Variants in BMP8B observed in about 807,000 individuals in gnomAD.
BMP8B encodes the protein bone morphogenetic protein 8 (osteogenic protein 2).
BMP8B carries 17 observed loss-of-function variants against 30.3 expected under a neutral mutation model. The ratio of observed to expected loss-of-function variants is 0.56; its 90% CI spans 0.38 to 0.84. The LOEUF is 0.84. Among genes scored for constraint, BMP8B ranks in the 40% least tolerant of loss-of-function variants. The pLI is 0.00. For missense variants in BMP8B, 253 were observed against 494.6 expected (o/e 0.51, Z 4.63); for synonymous variants, 131 against 214.7 (o/e 0.61, Z 3.41).
intron 1 of BMP8B, among the ~76,000 whole-genome samples, chr1:39,786,340 C>G (rs1650978821): frequency 6.6e-6 from 1 of 152,232 alleles, no homozygotes; most frequent in African/African-American, 2.4e-5. Context: ...GTGCCCAGGT[C>G]CAGGTTCACC....
intron 3 of BMP8B, chr1:39,769,805 C>A (rs373650086): frequency 6.2e-7 from 1 of 1,613,724 alleles, no homozygotes; most frequent in Non-Finnish European, 8.5e-7. Flanking sequence ...CCAGAGCTCC[C>A]TCAGCGTCAG....
At chr1:39,768,796 G>A (rs1467129702) in intron 3 of BMP8B, among the ~76,000 whole-genome samples, 3 of 150,532 alleles carry the variant, frequency 2.0e-5, no homozygotes, top group African/African-American at 7.4e-5. Flanking sequence ...AGGAAGCAGG[G>A]GTTGCAGTGA....
At chr1:39,779,724 A>G (rs1021892624) in intron 1 of BMP8B, among the ~76,000 whole-genome samples, 1 of 152,218 alleles carries the variant, frequency 6.6e-6, no homozygotes, top group Non-Finnish European at 1.5e-5. Context: ...CTTTTTAAGC[A>G]CTGACCTGTG....
In BMP8B at chr1:39,759,427, A is replaced by G. The variant is rs913256063; in HGVS notation, c.*992T>C. On this transcript the variant is annotated 3_prime_UTR_variant, in exon 7 of 7. Coordinates refer to ENST00000372827, the MANE Select transcript of BMP8B (RefSeq NM_001720.5). The stretch of plus-strand genomic sequence containing the variant: ...CTCCTCAGCATGGCAGAAGATGGCA[A>G]CCAGGTTTCACTTTACATCATATCT... The G allele has an allele frequency of 6.6e-6, 1 of 152,226 alleles. No individual in the cohort carries two copies. Among genetic ancestry groups the G allele is most frequent in the African/African-American group, 2.4e-5 (1 of 41,458 alleles). The allele number at this position is 152,226 out of a possible 1,614,324, so 9.4% of individuals were successfully genotyped here.
Position 39,757,630 on chromosome 1 carries a change from T to C in BMP8B, c.*2789A>G, listed in dbSNP as rs1161737756. On this transcript the variant is annotated 3_prime_UTR_variant, in exon 7 of 7. Transcript: ENST00000372827. ...AACTGTCATTGATTTCTCATTGCTGTCAGTAGATCTGAAACAACCACCACC... is the reference window on the plus strand; with the variant it reads ...AACTGTCATTGATTTCTCATTGCTGCCAGTAGATCTGAAACAACCACCACC... 1 of 152,264 alleles carries C rather than the reference T, an allele frequency of 6.6e-6. No homozygotes were observed. Among genetic ancestry groups the C allele is most frequent in the Non-Finnish European group, 1.5e-5 (1 of 68,076 alleles). 9.4% of individuals were successfully genotyped at this position (152,264 alleles called of 1,614,324 possible). A position where few individuals can be genotyped will look rare whatever the true frequency, so the allele number is the denominator to read the frequency against.
At chr1:39,770,424 G>C in intron 3 of BMP8B, 1 of 1,608,584 alleles carries the variant, frequency 6.2e-7, no homozygotes, top group African/African-American at 1.4e-5. Flanking sequence ...CGCTCAATTC[G>C]TTTCTCGTAT....
chr1:39,778,858 G>T (rs1382510118), intron 1 of BMP8B, among the ~76,000 whole-genome samples: 6 of 152,228 alleles, frequency 3.9e-5, no homozygotes, highest in African/African-American at 1.4e-4. Context: ...CGGGAGGAGG[G>T]GGGCTGGGTG....
At chr1:39,782,702 A>G (rs917068427) in intron 1 of BMP8B, among the ~76,000 whole-genome samples, 1 of 151,994 alleles carries the variant, frequency 6.6e-6, no homozygotes, top group African/African-American at 2.4e-5. Flanking sequence ...TCCTGACCTC[A>G]GGTGATCCGC....
intron 3 of BMP8B, chr1:39,770,617 C>T: frequency 1.9e-6 from 3 of 1,586,220 alleles, no homozygotes; most frequent in Non-Finnish European, 2.6e-6. Flanking sequence ...GGTCGGCCTT[C>T]CACCCTTTCA....
chr1:39,776,885 G>A (rs367992924), intron 1 of BMP8B, among the ~76,000 whole-genome samples: 5 of 152,066 alleles, frequency 3.3e-5, no homozygotes, highest in Admixed American at 1.3e-4. Context: ...GGGAGTTTAC[G>A]GTCCAACGGA....
rs561401388 is a variant in BMP8B at position 39,780,704 on chromosome 1, C to T, written c.335-5666G>A. 3.3e-5 allele frequency among the ~76,000 whole-genome samples: 5 copies of T among 152,326 alleles called. No homozygotes were observed. The East Asian group carries it at 9.6e-4, about 29-fold the overall frequency. On this transcript the variant is annotated intron_variant, in intron 1 of 6. Coordinates refer to ENST00000372827, the MANE Select transcript of BMP8B (RefSeq NM_001720.5). Reference sequence around the variant, plus strand: ...CCCAGGAGCTGAAGACCAGCCTGGGCAACATCATGAGACCTCGTCTCTATA... The same window carrying T: ...CCCAGGAGCTGAAGACCAGCCTGGGTAACATCATGAGACCTCGTCTCTATA...
rs546341480 is a variant in BMP8B, at chr1:39,783,893, G to A, written c.334+4259C>T. ...CCACTGCATTCCAGTCTGGGTGAAA[G>A]AGCAAGACCCTGTCTCTGAAAATAA... is the stretch of plus-strand genomic sequence containing the variant. On this transcript the variant is annotated intron_variant, in intron 1 of 6. Transcript: ENST00000372827. Among the ~76,000 whole-genome samples the A allele has an allele frequency of 1.2e-3, 187 of 152,364 alleles. 1 individual carries two copies. The highest frequency in any genetic ancestry group is 4.4e-3 in the African/African-American group (181 of 41,590).
rs1178392463 is a variant in BMP8B, at chr1:39,788,393, A to T, written c.93T>A (p.Cys31Ter). 9.1e-7 allele frequency: 1 copy of T among 1,094,746 alleles called. No homozygotes were observed. The highest frequency in any genetic ancestry group is 1.1e-6 in the Non-Finnish European group (1 of 902,778). 67.8% of individuals were successfully genotyped at this position (1,094,746 alleles called of 1,614,324 possible). A position where few individuals can be genotyped will look rare whatever the true frequency, so the allele number is the denominator to read the frequency against. ...GGPGLRPPPG[C>*]PQRRLGARER... ...CGCGCGCGCCCAGACGTCGCTGGGG[A>T]CAGCCGGGCGGGGGTCGCAGGCCGG... The change falls in exon 1 of 7, where the codon TGT (cysteine) becomes TGA (stop). Residue 31 changes from cysteine to a stop codon, truncating the protein, a stop_gained. Coordinates refer to ENST00000372827, the MANE Select transcript of BMP8B (RefSeq NM_001720.5). LOFTEE classifies it high-confidence loss of function. This position sits in a 1 kb window ranked among gnomAD's most constrained non-coding sequence, Gnocchi z 5.8.
At chr1:39,760,666 C>T in intron 6 of BMP8B, 98 bp from the exon 7 acceptor site, 1 of 1,449,750 alleles carries the variant, frequency 6.9e-7, no homozygotes, top group Non-Finnish European at 9.2e-7. Flanking sequence ...CCTGCCCTGG[C>T]CATCTCCAGG....
At position 39,760,129 on chromosome 1, in the gene BMP8B, C is replaced by A; in HGVS notation, c.*290G>T. On this transcript the variant is annotated 3_prime_UTR_variant, in exon 7 of 7. Coordinates refer to ENST00000372827, the MANE Select transcript of BMP8B (RefSeq NM_001720.5). The stretch of plus-strand genomic sequence containing the variant: ...CCTCAGACAGGACTTCTGTGCCAAC[C>A]CCAAAGAACCAGCCAGGACATGCCT... 2 of 470,456 alleles carry A rather than the reference C, an allele frequency of 4.3e-6. No homozygotes were observed. Among genetic ancestry groups the A allele is most frequent in the South Asian group, 2.5e-5 (1 of 40,810 alleles). The allele number at this position is 470,456 out of a possible 1,614,324, so 29.1% of individuals were successfully genotyped here. A position where few individuals can be genotyped will look rare whatever the true frequency, so the allele number is the denominator to read the frequency against.
chr1:39,784,062 A>T (rs1415336792), intron 1 of BMP8B, among the ~76,000 whole-genome samples: 1 of 152,220 alleles, frequency 6.6e-6, no homozygotes. Context: ...AGAAGAGCAG[A>T]AGATGTGGAG....
At chr1:39,778,168 G>A (rs976207970) in intron 1 of BMP8B, among the ~76,000 whole-genome samples, 2 of 152,252 alleles carry the variant, frequency 1.3e-5, no homozygotes, top group Non-Finnish European at 2.9e-5. Flanking sequence ...CCAGGACAGC[G>A]GCTCAGTGTC....
intron 6 of BMP8B, 114 bp downstream of exon 6, chr1:39,762,978 G>GC: frequency 7.6e-7 from 1 of 1,316,062 alleles, no homozygotes; most frequent in Non-Finnish European, 1.1e-6. Flanking sequence ...TGCAGACAAA[G>GC]CCCCCTGAGA....
chr1:39,785,938 C>G (rs1192179372), intron 1 of BMP8B, among the ~76,000 whole-genome samples: 1 of 152,236 alleles, frequency 6.6e-6, no homozygotes, highest in Admixed American at 6.5e-5. Flanking sequence ...CCACCCACAG[C>G]CTGGGCTTCC....
Sources: allele counts gnomAD v4.1 joint callset (sites outside exome capture counted in the v4.1 genomes callset), GRCh38; gene constraint gnomAD v4.1.1; non-coding constraint Gnocchi (gnomAD v3.1); transcripts MANE v1.5; gene names NCBI Gene and HGNC (gene_info 2026-07-23, HGNC 2026-07-21).